The following PPARGC1A variants were observed in gnomAD, a reference collection of about 807,000 sequenced individuals.
The protein encoded by PPARGC1A is peroxisome proliferator-activated receptor gamma coactivator 1-alpha.
PPARGC1A carries 25 observed loss-of-function variants against 88.7 expected under a neutral mutation model. The ratio of observed to expected loss-of-function variants is 0.28; its 90% CI spans 0.21 to 0.39. PPARGC1A has a LOEUF of 0.39. Among genes scored for constraint, PPARGC1A ranks in the 10% least tolerant of loss-of-function variants. The pLI is 1.00. For synonymous variants in PPARGC1A, 363 were observed against 355.6 expected (o/e 1.02, Z -0.24); for missense variants, 880 against 968.7 (o/e 0.91, Z 1.22).
the PPARGC1A span, among the ~76,000 whole-genome samples, chr4:23,934,465 T>C: frequency 6.6e-6 from 1 of 152,170 alleles, no homozygotes; most frequent in Non-Finnish European, 1.5e-5. Context: ...GGGGTTTTTG[T>C]TTTGTTTTCA....
At chr4:24,142,764 T>G in the PPARGC1A span, among the ~76,000 whole-genome samples, 46,080 of 151,902 alleles carry the variant, frequency 0.3, 7,695 homozygotes, top group African/African-American at 0.44. Context: ...GGAGATTAGG[T>G]TCATGTGGGT....
the PPARGC1A span, among the ~76,000 whole-genome samples, chr4:24,263,187 C>A: frequency 2.0e-5 from 3 of 152,154 alleles, no homozygotes; most frequent in Non-Finnish European, 4.4e-5. Flanking sequence ...GACGTAAGAC[C>A]TTTCCCCCAA....
At chr4:24,419,987 G>A in the PPARGC1A span, among the ~76,000 whole-genome samples, 1 of 152,144 alleles carries the variant, frequency 6.6e-6, no homozygotes, top group African/African-American at 2.4e-5. Flanking sequence ...AAAGAAAAGT[G>A]AAAAATAGGC....
the PPARGC1A span, among the ~76,000 whole-genome samples, chr4:24,346,974 T>C: frequency 1.3e-5 from 2 of 152,160 alleles, no homozygotes; most frequent in Non-Finnish European, 2.9e-5. Flanking sequence ...GTTCTATCAT[T>C]ATTGTCATTC....
At chr4:23,941,628 A>G in the PPARGC1A span, among the ~76,000 whole-genome samples, 1 of 152,180 alleles carries the variant, frequency 6.6e-6, no homozygotes, top group Non-Finnish European at 1.5e-5. Context: ...TTTCCATGTC[A>G]GAGGGCACCT....
chr4:24,354,792 C>T, the PPARGC1A span, among the ~76,000 whole-genome samples: 1 of 152,054 alleles, frequency 6.6e-6, no homozygotes, highest in Admixed American at 6.5e-5. Context: ...GAGGCTGAGG[C>T]AGGAGAATGG....
the PPARGC1A span, among the ~76,000 whole-genome samples, chr4:24,181,559 G>A: frequency 6.6e-6 from 1 of 152,100 alleles, no homozygotes; most frequent in Admixed American, 6.6e-5. Flanking sequence ...TGTACTGGGT[G>A]CCACAGACTC....
chr4:23,810,768 T>A (rs1720751396), intron 10 of PPARGC1A, among the ~76,000 whole-genome samples: 1 of 152,184 alleles, frequency 6.6e-6, no homozygotes, highest in South Asian at 2.1e-4. Context: ...AAATATAAAT[T>A]TGCAAACACC....
chr4:24,110,758 G>A, the PPARGC1A span, among the ~76,000 whole-genome samples: 7 of 152,102 alleles, frequency 4.6e-5, no homozygotes, highest in South Asian at 2.1e-4. Context: ...ATGCAAGCTC[G>A]GCACATTCAT....
chr4:24,468,120 T>C, the PPARGC1A span, among the ~76,000 whole-genome samples: 2 of 152,182 alleles, frequency 1.3e-5, no homozygotes, highest in Admixed American at 1.3e-4. Context: ...TGGGCTTACA[T>C]AGTGACAGCT....
the PPARGC1A span, among the ~76,000 whole-genome samples, chr4:24,213,382 A>G: frequency 4.0e-5 from 6 of 151,896 alleles, no homozygotes; most frequent in Non-Finnish European, 7.4e-5. Context: ...TAGCCAGAAT[A>G]GTCTCGATCT....
chr4:24,400,728 C>A, the PPARGC1A span, among the ~76,000 whole-genome samples: 2,949 of 152,160 alleles, frequency 0.019, 90 homozygotes, highest in East Asian at 0.14. Flanking sequence ...AATGAGCTGG[C>A]CCAGTCAAAG....
At chr4:24,315,162 T>C in the PPARGC1A span, among the ~76,000 whole-genome samples, 1 of 152,090 alleles carries the variant, frequency 6.6e-6, no homozygotes, top group Non-Finnish European at 1.5e-5. Flanking sequence ...AGCCCAGAGA[T>C]GATAAACAGC....
the PPARGC1A span, among the ~76,000 whole-genome samples, chr4:24,114,434 A>T: frequency 1.3e-5 from 2 of 152,218 alleles, no homozygotes; most frequent in Non-Finnish European, 2.9e-5. Context: ...AGGTCTGGAA[A>T]AAACAGGGTT....
At position 23,793,418 on chromosome 4, in the gene PPARGC1A, C is replaced by T. The variant is rs966021571; in HGVS notation, c.*2404G>A. 8 of 152,370 alleles carry T rather than the reference C, an allele frequency of 5.3e-5. No individual in the cohort carries two copies. The highest frequency in any genetic ancestry group is 1.4e-4 in the African/African-American group (6 of 41,400). 9.4% of individuals were successfully genotyped at this position (152,370 alleles called of 1,614,324 possible). On this transcript the variant is annotated 3_prime_UTR_variant, in exon 13 of 13. Transcript: ENST00000264867. ...GAAGCCAAAAAATCAAGCAAGCATC[C>T]GACAGGACAAACAGTGGATTCACTC...
chr4:23,876,422 G>A (rs1714700073), intron 2 of PPARGC1A, among the ~76,000 whole-genome samples: 1 of 152,192 alleles, frequency 6.6e-6, no homozygotes, highest in African/African-American at 2.4e-5. Flanking sequence ...ATGTAATTTA[G>A]TATTCACTAA....
chr4:24,089,142 A>T, the PPARGC1A span, among the ~76,000 whole-genome samples: 8 of 152,230 alleles, frequency 5.3e-5, no homozygotes, highest in Non-Finnish European at 8.8e-5. Flanking sequence ...AAGCTTCAGC[A>T]TCCATCACAA....
the PPARGC1A span, among the ~76,000 whole-genome samples, chr4:23,912,311 A>C: frequency 1.6e-4 from 24 of 152,136 alleles, no homozygotes; most frequent in Non-Finnish European, 8.8e-5. Flanking sequence ...AAGGAAAGGT[A>C]CCAAGGCTTT....
the PPARGC1A span, among the ~76,000 whole-genome samples, chr4:24,171,705 G>C: frequency 2.0e-5 from 3 of 152,132 alleles, no homozygotes; most frequent in African/African-American, 7.2e-5. Flanking sequence ...TTTACAGGAA[G>C]CACATGTCCC....
Sources: allele counts gnomAD v4.1 joint callset (sites outside exome capture counted in the v4.1 genomes callset), GRCh38; gene constraint gnomAD v4.1.1; transcripts MANE v1.5; gene names NCBI Gene and HGNC (gene_info 2026-07-23, HGNC 2026-07-21).